The following EEF2KMT variants were observed in gnomAD, a reference collection of about 807,000 sequenced individuals.
The protein encoded by EEF2KMT is eukaryotic elongation factor 2 lysine methyltransferase, also known as protein-lysine N-methyltransferase EEF2KMT.
EEF2KMT carries 30 observed loss-of-function variants against 35.1 expected under a neutral mutation model. That is an observed-to-expected ratio of 0.85 (90% CI 0.64 to 1.16). EEF2KMT has a LOEUF of 1.16. EEF2KMT is among the 50% of genes most tolerant of loss of function. EEF2KMT has a pLI of 0.00. For synonymous variants in EEF2KMT, 190 were observed against 187.7 expected (o/e 1.01, Z -0.10); for missense variants, 499 against 438.2 (o/e 1.14, Z -1.24).
rs1957270256 is a variant in EEF2KMT, at chr16:5,088,710, C to A, written c.892+397G>T. ...GCTCGTCTTCCACCGACTGGGTGCT[C>A]AGGACAGTGGCGTGGTGGATCCGCC... On this transcript the variant is annotated intron_variant, in intron 7 of 7. Coordinates refer to ENST00000427587, the MANE Select transcript of EEF2KMT (RefSeq NM_201400.4). Among the ~76,000 whole-genome samples, 5 of 152,140 alleles carry A rather than the reference C, an allele frequency of 3.3e-5. No homozygotes were observed. In the South Asian group the frequency reaches 8.3e-4, roughly 25 times the overall value.
At chr16:5,096,078 C>G (rs1415638399) in intron 1 of EEF2KMT, among the ~76,000 whole-genome samples, 2 of 152,082 alleles carry the variant, frequency 1.3e-5, no homozygotes, top group Non-Finnish European at 2.9e-5. Context: ...ACCCTGCTCA[C>G]TCCACTCCAG....
rs112038320 is a variant in EEF2KMT at position 5,084,900 on chromosome 16, A to T, written c.*732T>A. ...CACATAACTCCTGGGCCAGAGGCTA[A>T]AACCCCAGGACCCCTGCTGTCCTTC... On this transcript the variant is annotated 3_prime_UTR_variant, in exon 8 of 8. Transcript: ENST00000427587. 1.3e-6 allele frequency: 2 copies of T among 1,575,206 alleles called. No individual in the cohort carries two copies. Among genetic ancestry groups the T allele is most frequent in the Admixed American group, 3.4e-5 (2 of 58,242 alleles).
intron 7 of EEF2KMT, 151 bp from the exon 8 acceptor site, chr16:5,085,883 C>T: frequency 1.4e-6 from 1 of 692,534 alleles, no homozygotes. Context: ...ACCCAGGTGC[C>T]TAGAATTGGC....
chr16:5,096,275 G>T (rs1409139698), intron 1 of EEF2KMT, among the ~76,000 whole-genome samples: 1 of 152,172 alleles, frequency 6.6e-6, no homozygotes, highest in African/African-American at 2.4e-5. Context: ...CTTCTTCCCA[G>T]TTCCCGCATT....
At chr16:5,091,227 G>A (rs1363856821) in intron 4 of EEF2KMT, among the ~76,000 whole-genome samples, 3 of 152,040 alleles carry the variant, frequency 2.0e-5, no homozygotes, top group Non-Finnish European at 4.4e-5. Context: ...GATTACAGGT[G>A]CCCACTACCA....
chr16:5,093,841 C>G (rs549006223), intron 2 of EEF2KMT, among the ~76,000 whole-genome samples: 3 of 151,468 alleles, frequency 2.0e-5, no homozygotes, highest in African/African-American at 7.3e-5. Context: ...CGCCTCCCTC[C>G]CAGGGGAGCC....
intron 1 of EEF2KMT, chr16:5,097,299 G>A (rs1429662741): frequency 4.4e-6 from 6 of 1,350,982 alleles, no homozygotes; most frequent in Non-Finnish European, 4.9e-6. Flanking sequence ...TGACGGCGCT[G>A]ACTTTTTAGA....
At chr16:5,094,633 G>A (rs1957414479) in intron 2 of EEF2KMT, among the ~76,000 whole-genome samples, 1 of 152,174 alleles carries the variant, frequency 6.6e-6, no homozygotes, top group Non-Finnish European at 1.5e-5. Context: ...GGCTCAGGGT[G>A]AAACTCAGAG....
rs3965827 is a variant in EEF2KMT, at chr16:5,090,003, T to C, written c.742+81A>G. On this transcript the variant is annotated intron_variant, in intron 6 of 7. Coordinates refer to ENST00000427587, the MANE Select transcript of EEF2KMT (RefSeq NM_201400.4). This position sits in a 1 kb window ranked among gnomAD's most constrained non-coding sequence, Gnocchi z 4.1. ...TCATGTCCATGCCCGACAGCGTCCA[T>C]TGTTCCCTTTTCCCAGAGCCAAGAG... 5 of 1,582,320 alleles carry C rather than the reference T, an allele frequency of 3.2e-6. No individual in the cohort carries two copies. The highest frequency in any genetic ancestry group is 2.2e-5 in the South Asian group (2 of 89,220).
At chr16:5,091,193 T>A (rs1472590210) in intron 4 of EEF2KMT, among the ~76,000 whole-genome samples, 1 of 152,194 alleles carries the variant, frequency 6.6e-6, no homozygotes, top group Non-Finnish European at 1.5e-5. Flanking sequence ...GAGATTCTCC[T>A]GCCTCAGCCT....
rs537348571 is a variant in EEF2KMT at position 5,097,664 on chromosome 16, G to A, written c.76C>T (p.Leu26=). The A allele has an allele frequency of 6.3e-6, 10 of 1,575,836 alleles. No individual in the cohort carries two copies. The highest frequency in any genetic ancestry group is 8.6e-6 in the Non-Finnish European group (10 of 1,166,896). The change falls in exon 1 of 8, where the codon CTG becomes TTG. Residue 26 remains leucine (L), a synonymous_variant. Transcript: ENST00000427587. ...CCCACCTGCCAGGGGAAGGAGCGCA[G>A]TGTGCGTGCCGCCAGGAAGCGGCGC... is the stretch of plus-strand genomic sequence containing the variant. The part of the protein sequence containing the change: ...FERRFLAART[L]RSFPWQSLEA...
Position 5,085,977 on chromosome 16 carries a change from C to T in EEF2KMT, c.893-245G>A, listed in dbSNP as rs543177308. On this transcript the variant is annotated intron_variant, in intron 7 of 7. Transcript: ENST00000427587. ...GCCGCTGTCCACTCTCTGCCTGTGT[C>T]TGCCCCAGCACTTGGCACAGCGGGA... Among the ~76,000 whole-genome samples the T allele has an allele frequency of 3.3e-5, 5 of 152,314 alleles. No individual in the cohort carries two copies. In the South Asian group the frequency reaches 1.0e-3, roughly 32 times the overall value.
intron 7 of EEF2KMT, 140 bp from the exon 8 acceptor site, chr16:5,085,872 C>T (rs1448813793): frequency 2.8e-6 from 2 of 713,228 alleles, no homozygotes; most frequent in Non-Finnish European, 5.1e-6. Context: ...TTCCCAGGCC[C>T]ACCCAGGTGC....
At chr16:5,091,466 C>A (rs538535810) in intron 4 of EEF2KMT, among the ~76,000 whole-genome samples, 3 of 152,178 alleles carry the variant, frequency 2.0e-5, no homozygotes, top group Non-Finnish European at 4.4e-5. Context: ...GCAACCACTT[C>A]GGCCTCCCAA....
At chr16:5,088,989 T>C in intron 7 of EEF2KMT, 118 bp downstream of exon 7, 4 of 1,577,044 alleles carry the variant, frequency 2.5e-6, no homozygotes, top group Non-Finnish European at 3.4e-6. Flanking sequence ...GTTCCCCCCA[T>C]GGTGTGGGAG....
intron 2 of EEF2KMT, among the ~76,000 whole-genome samples, chr16:5,094,760 C>G (rs1957417043): frequency 8.7e-6 from 1 of 115,088 alleles, no homozygotes; most frequent in African/African-American, 3.4e-5. Context: ...ACCTCTAGCA[C>G]AGGAATTCTT....
In EEF2KMT at chr16:5,090,594, T is replaced by G; in HGVS notation, c.343-29A>C. The G allele has an allele frequency of 6.2e-7, 1 of 1,611,610 alleles. No homozygotes were observed. The highest frequency in any genetic ancestry group is 8.5e-7 in the Non-Finnish European group (1 of 1,179,674). ...CACCAAGAGAAGGCGAGAGAGTCAG[T>G]CCAGCGATCAGAAGGCAAGTGGCTT... On this transcript the variant is annotated intron_variant, in intron 4 of 7. Transcript: ENST00000427587. The surrounding 1 kb of genome is among the most constrained non-coding windows in gnomAD (Gnocchi z 4.1).
intron 1 of EEF2KMT, among the ~76,000 whole-genome samples, chr16:5,095,897 C>T (rs1957451484): frequency 6.8e-6 from 1 of 147,732 alleles, no homozygotes; most frequent in African/African-American, 2.5e-5. Context: ...CTTACAGGGG[C>T]CTCAAGCCCA....
intron 1 of EEF2KMT, among the ~76,000 whole-genome samples, chr16:5,096,013 T>C (rs1957454993): frequency 6.6e-6 from 1 of 152,148 alleles, no homozygotes; most frequent in African/African-American, 2.4e-5. Flanking sequence ...TAAAAGGCCC[T>C]ACAAGACCTG....
Sources: allele counts gnomAD v4.1 joint callset (sites outside exome capture counted in the v4.1 genomes callset), GRCh38; gene constraint gnomAD v4.1.1; non-coding constraint Gnocchi (gnomAD v3.1); transcripts MANE v1.5; gene names NCBI Gene and HGNC (gene_info 2026-07-23, HGNC 2026-07-21).